FOXP2: variants seen among roughly 807,000 people sequenced by gnomAD.
The protein encoded by FOXP2 is forkhead box protein P2.
FOXP2 carries 12 observed loss-of-function variants against 115.8 expected under a neutral mutation model. The ratio of observed to expected loss-of-function variants is 0.10; its 90% CI spans 0.07 to 0.17. The LOEUF (loss-of-function observed/expected upper bound fraction) is 0.17. Ranked by LOEUF, FOXP2 falls within the 10% of genes least tolerant of loss-of-function variation. The probability of loss-of-function intolerance (pLI) is 1.00; values close to 1 mark genes in which losing one functional copy is unlikely to be tolerated. For synonymous variants in FOXP2, 328 were observed against 297.7 expected (o/e 1.10, Z -1.05); for missense variants, 629 against 843.5 (o/e 0.75, Z 3.15).
intron 2 of FOXP2, among the ~76,000 whole-genome samples, chr7:114,358,349 T>C (rs1445853930): frequency 1.3e-5 from 2 of 152,168 alleles, no homozygotes; most frequent in African/African-American, 4.8e-5. Flanking sequence ...CATAGCATTA[T>C]GAAAATGAAC....
intron 1 of FOXP2, among the ~76,000 whole-genome samples, chr7:114,196,445 T>C (rs1410608876): frequency 1.3e-5 from 2 of 152,208 alleles, no homozygotes; most frequent in Non-Finnish European, 2.9e-5. Context: ...TTAAACTATA[T>C]TGGAGAAAAA....
intron 1 of FOXP2, among the ~76,000 whole-genome samples, chr7:114,199,329 C>T (rs1433450390): frequency 1.3e-5 from 2 of 152,084 alleles, no homozygotes; most frequent in Non-Finnish European, 2.9e-5. Context: ...GTCAATTCTA[C>T]TTTTAATGTA....
chr7:114,108,102 T>C (rs777203564), intron 1 of FOXP2, among the ~76,000 whole-genome samples: 9 of 151,956 alleles, frequency 5.9e-5, no homozygotes, highest in African/African-American at 1.7e-4. Flanking sequence ...ATCTTATTTA[T>C]TATTTAGTTG....
At chr7:114,451,487 GCA>G (rs1795070985) in intron 2 of FOXP2, among the ~76,000 whole-genome samples, 2 of 151,920 alleles carry the variant, frequency 1.3e-5, no homozygotes, top group South Asian at 2.1e-4. Context: ...ACTTCCTGGG[GCA>G]CACACACTCA....
chr7:114,564,145 C>A (rs1046785063), intron 3 of FOXP2, among the ~76,000 whole-genome samples: 5 of 152,192 alleles, frequency 3.3e-5, no homozygotes, highest in African/African-American at 9.7e-5. Flanking sequence ...ATCTTTCTAG[C>A]CTTGTCTCTC....
chr7:114,198,975 ATTAGT>A (rs1278712860), intron 1 of FOXP2, among the ~76,000 whole-genome samples: 1 of 152,156 alleles, frequency 6.6e-6, no homozygotes, highest in Admixed American at 6.5e-5. Context: ...AACTAATCAG[ATTAGT>A]CTCACTGCAT....
intron 2 of FOXP2, among the ~76,000 whole-genome samples, chr7:114,295,619 G>T (rs1455679849): frequency 6.6e-6 from 1 of 151,992 alleles, no homozygotes; most frequent in African/African-American, 2.4e-5. Flanking sequence ...TTTTACTATT[G>T]TCTGCCAGAG....
intron 3 of FOXP2, among the ~76,000 whole-genome samples, chr7:114,568,742 G>A (rs79767312): frequency 0.093 from 14,092 of 151,696 alleles, 695 homozygotes; most frequent in Middle Eastern, 0.16. Context: ...GGATGTTTAT[G>A]TTTAAGGGAT....
intron 2 of FOXP2, among the ~76,000 whole-genome samples, chr7:114,360,541 C>T (rs915703654): frequency 6.6e-6 from 1 of 152,090 alleles, no homozygotes; most frequent in African/African-American, 2.4e-5. Flanking sequence ...CAATCTACTC[C>T]CAAACCTTCC....
chr7:114,302,365 T>TA (rs1377327208), intron 2 of FOXP2, among the ~76,000 whole-genome samples: 3 of 152,264 alleles, frequency 2.0e-5, no homozygotes, highest in Non-Finnish European at 4.4e-5. Flanking sequence ...ATTCATGTAT[T>TA]AATGAAAACC....
At chr7:114,510,601 G>A (rs1798021848) in intron 2 of FOXP2, among the ~76,000 whole-genome samples, 1 of 152,136 alleles carries the variant, frequency 6.6e-6, no homozygotes, top group Admixed American at 6.6e-5. Flanking sequence ...GAACCAAATG[G>A]ATATAAAGAT....
chr7:114,558,452 C>T (rs1195327811), intron 3 of FOXP2, among the ~76,000 whole-genome samples: 5 of 152,062 alleles, frequency 3.3e-5, no homozygotes, highest in African/African-American at 9.7e-5. Context: ...TCACAAAAGC[C>T]ACTTTGCTTT....
Position 114,114,024 on chromosome 7 carries a change from T to G in FOXP2, c.-247+26186T>G, listed in dbSNP as rs1005994755. On this transcript the variant is annotated intron_variant, in intron 1 of 19. Transcript: ENST00000635638. ...CACAAAGAATTTAAGAGAATTATAA[T>G]AGGAAAACTCTCCAGTGAAATATGA... Among the ~76,000 whole-genome samples the G allele has an allele frequency of 2.6e-5, 4 of 151,874 alleles. No homozygotes were observed. The East Asian group carries it at 7.7e-4, about 29-fold the overall frequency.
rs74734911 is a variant in FOXP2, at chr7:114,213,246, G to A, written c.-102+50158G>A. Among the ~76,000 whole-genome samples, 931 of 152,258 alleles carry A rather than the reference G, an allele frequency of 6.1e-3. 11 individuals carry two copies. Among genetic ancestry groups the A allele is most frequent in the African/African-American group, 0.02 (843 of 41,554 alleles). On this transcript the variant is annotated intron_variant, in intron 1 of 17. Transcript: ENST00000634411. ...CTAGGAGTGTTACAGGAAGAAATAT[G>A]TTTTTCTGGTTGAGTAGGTCTGTAA... is the stretch of plus-strand genomic sequence containing the variant.
chr7:114,604,694 A>G (rs777149388), intron 3 of FOXP2, among the ~76,000 whole-genome samples: 1 of 152,170 alleles, frequency 6.6e-6, no homozygotes, highest in Non-Finnish European at 1.5e-5. Flanking sequence ...GTAATTATTT[A>G]TAATGCCTCT....
At position 114,574,616 on chromosome 7, in the gene FOXP2, C is replaced by A. The variant is rs139111302; in HGVS notation, c.258+39910C>A. ...CTACTCTCTAACTATACCCTGTTGG[C>A]ACCTCATCTGCCTGAATGACCTCAT... On this transcript the variant is annotated intron_variant, in intron 3 of 16. Transcript: ENST00000350908. Among the ~76,000 whole-genome samples the A allele has an allele frequency of 9.3e-4, 141 of 151,904 alleles. 1 individual carries two copies. The highest frequency in any genetic ancestry group is 1.5e-3 in the Admixed American group (23 of 15,214).
chr7:114,601,934 A>G (rs1240611713), intron 3 of FOXP2, among the ~76,000 whole-genome samples: 2 of 152,052 alleles, frequency 1.3e-5, no homozygotes, highest in Non-Finnish European at 2.9e-5. Context: ...CATTTTATAC[A>G]GCACTTTATA....
At chr7:114,125,810 C>T (rs1791691561) in intron 1 of FOXP2, among the ~76,000 whole-genome samples, 1 of 152,072 alleles carries the variant, frequency 6.6e-6, no homozygotes, top group African/African-American at 2.4e-5. Flanking sequence ...TGATAATGTA[C>T]CAATTTGTGC....
intron 2 of FOXP2, among the ~76,000 whole-genome samples, chr7:114,467,441 A>G (rs1795851086): frequency 6.6e-6 from 1 of 152,200 alleles, no homozygotes; most frequent in Non-Finnish European, 1.5e-5. Context: ...TCGGAAGGAA[A>G]GAAAAGTGAA....
Sources: gnomAD v4.1 joint callset for allele counts (sites outside exome capture counted in the v4.1 genomes callset) on GRCh38, gnomAD v4.1.1 for gene constraint, MANE v1.5 for transcripts, NCBI Gene and HGNC (gene_info 2026-07-23, HGNC 2026-07-21) for gene names.